The following LARGE1 variants were observed in gnomAD, a reference collection of about 807,000 sequenced individuals.
LARGE1 encodes the protein LARGE xylosyl- and glucuronyltransferase 1.
In LARGE1, 43 loss-of-function variants were observed where a neutral mutation model predicts 87.6. The ratio of observed to expected loss-of-function variants is 0.49; its 90% confidence interval spans 0.38 to 0.63. The LOEUF is 0.63. LARGE1 is among the 30% of genes least tolerant of loss of function. The probability of loss-of-function intolerance (pLI) is 0.00; values close to 1 mark genes in which losing one functional copy is unlikely to be tolerated. For missense variants in LARGE1, 802 were observed against 1,000.2 expected (o/e 0.80, Z 2.67); for synonymous variants, 434 against 394.6 (o/e 1.10, Z -1.18).
At chr22:33,433,630 A>G (rs1195672335) in intron 6 of LARGE1, among the ~76,000 whole-genome samples, 1 of 141,528 alleles carries the variant, frequency 7.1e-6, no homozygotes, top group Non-Finnish European at 1.5e-5. Context: ...AAAAAAAAAA[A>G]GAAAGGGAAA....
chr22:33,872,067 G>A (rs2146683027), intron 1 of LARGE1, among the ~76,000 whole-genome samples: 2 of 151,750 alleles, frequency 1.3e-5, no homozygotes, highest in Non-Finnish European at 2.9e-5. Context: ...GATGGAGGGG[G>A]TTCCTTCGAG....
chr22:33,376,886 C>G (rs1158480657), intron 9 of LARGE1, among the ~76,000 whole-genome samples: 1 of 152,158 alleles, frequency 6.6e-6, no homozygotes, highest in Non-Finnish European at 1.5e-5. Flanking sequence ...TCCAAGTAGA[C>G]AGACGAGGAG....
intron 9 of LARGE1, among the ~76,000 whole-genome samples, chr22:33,367,727 A>G (rs112606260): frequency 0.012 from 1,779 of 152,256 alleles, 22 homozygotes; most frequent in African/African-American, 0.035. Flanking sequence ...AGGCCCGGCC[A>G]ACTCTAACGT....
chr22:33,417,843 T>C (rs1365059676), intron 7 of LARGE1, among the ~76,000 whole-genome samples: 1 of 152,246 alleles, frequency 6.6e-6, no homozygotes, highest in Non-Finnish European at 1.5e-5. Flanking sequence ...TGTCCTATTG[T>C]TTCCTCCATT....
chr22:33,441,927 G>T (rs927431011), intron 6 of LARGE1, among the ~76,000 whole-genome samples: 6 of 152,032 alleles, frequency 3.9e-5, no homozygotes, highest in African/African-American at 1.4e-4. Context: ...TGATTGCTTG[G>T]GTTTCAGTTT....
At chr22:33,347,317 A>G (rs78077567) in intron 9 of LARGE1, among the ~76,000 whole-genome samples, 2,745 of 152,318 alleles carry the variant, frequency 0.018, 102 homozygotes, top group African/African-American at 0.063. Flanking sequence ...AGGCTGGTAA[A>G]GAACTTGACT....
chr22:33,234,996 A>C (rs1348495564), intron 11 of LARGE1, among the ~76,000 whole-genome samples: 1 of 152,250 alleles, frequency 6.6e-6, no homozygotes, highest in Non-Finnish European at 1.5e-5. Context: ...AAACTGAGCT[A>C]TGAGAAATTA....
At chr22:33,459,527 T>C (rs1402993550) in intron 6 of LARGE1, among the ~76,000 whole-genome samples, 3 of 151,330 alleles carry the variant, frequency 2.0e-5, no homozygotes, top group South Asian at 2.1e-4. Context: ...CTGAGAGTTA[T>C]CGCCTCTATA....
chr22:33,543,995 T>C (rs1303406881), intron 6 of LARGE1, among the ~76,000 whole-genome samples: 1 of 152,214 alleles, frequency 6.6e-6, no homozygotes, highest in African/African-American at 2.4e-5. Context: ...AGAATTTTGG[T>C]ATGTCCTAGA....
chr22:33,553,823 T>C (rs2077598410), intron 6 of LARGE1, among the ~76,000 whole-genome samples: 1 of 152,038 alleles, frequency 6.6e-6, no homozygotes, highest in Non-Finnish European at 1.5e-5. Context: ...ACATCTCACA[T>C]CTACCTCCAG....
chr22:33,199,160 T>C (rs547250006), intron 11 of LARGE1, among the ~76,000 whole-genome samples: 1 of 152,020 alleles, frequency 6.6e-6, no homozygotes, highest in Non-Finnish European at 1.5e-5. Flanking sequence ...TTTTTAAAAA[T>C]ATCTCTTTGT....
At chr22:33,354,110 T>G (rs1940666006) in intron 9 of LARGE1, among the ~76,000 whole-genome samples, 1 of 152,186 alleles carries the variant, frequency 6.6e-6, no homozygotes, top group Non-Finnish European at 1.5e-5. Context: ...ATCTCACACT[T>G]TTGAAAACAC....
intron 2 of LARGE1, among the ~76,000 whole-genome samples, chr22:33,703,452 A>C (rs1020150558): frequency 9.2e-5 from 14 of 152,232 alleles, no homozygotes; most frequent in Non-Finnish European, 1.9e-4. Flanking sequence ...TAATTCCTGA[A>C]ATTTGTGAGT....
intron 11 of LARGE1, among the ~76,000 whole-genome samples, chr22:33,192,828 C>G (rs145796427): frequency 6.6e-6 from 1 of 152,124 alleles, no homozygotes; most frequent in Non-Finnish European, 1.5e-5. Context: ...TTAATTCATT[C>G]TGAGCTGATT....
intron 1 of LARGE1, among the ~76,000 whole-genome samples, chr22:33,891,655 G>C (rs1236034662): frequency 6.6e-6 from 1 of 152,174 alleles, no homozygotes; most frequent in East Asian, 1.9e-4. Context: ...AAAATGCTTA[G>C]CAAACACATC....
intron 4 of LARGE1, among the ~76,000 whole-genome samples, chr22:33,616,981 A>G (rs2079599574): frequency 6.6e-6 from 1 of 152,240 alleles, no homozygotes; most frequent in African/African-American, 2.4e-5. Context: ...TTCATCTCAG[A>G]GGAATAGGCA....
At chr22:33,349,067 G>A (rs1337578433) in intron 9 of LARGE1, among the ~76,000 whole-genome samples, 2 of 152,110 alleles carry the variant, frequency 1.3e-5, no homozygotes, top group Admixed American at 6.5e-5. Context: ...GGAACTGTGA[G>A]TCCATTAAAC....
At chr22:33,459,488 T>C (rs1326196475) in intron 6 of LARGE1, among the ~76,000 whole-genome samples, 1 of 150,552 alleles carries the variant, frequency 6.6e-6, no homozygotes, top group Non-Finnish European at 1.5e-5. Context: ...GGCACAGCTC[T>C]GGGTTGTGAA....
intron 2 of LARGE1, chr22:33,723,783 A>G (rs1434840159): frequency 6.6e-6 from 1 of 151,212 alleles, no homozygotes; most frequent in African/African-American, 2.4e-5. Flanking sequence ...CATTCACACA[A>G]CTCCCTATAC....
Sources: gnomAD v4.1 joint callset for allele counts (sites outside exome capture counted in the v4.1 genomes callset) on GRCh38, gnomAD v4.1.1 for gene constraint, MANE v1.5 for transcripts, NCBI Gene and HGNC (gene_info 2026-07-23, HGNC 2026-07-21) for gene names.